Variants in CSMD1 observed in about 807,000 individuals in gnomAD.
CSMD1 encodes the protein CUB and Sushi multiple domains 1.
CSMD1 carries 213 observed loss-of-function variants against 417.5 expected under a neutral mutation model. The ratio of observed to expected loss-of-function variants is 0.51; its 90% CI spans 0.46 to 0.57. The LOEUF (loss-of-function observed/expected upper bound fraction) is 0.57, where lower values mean the gene tolerates loss of function less well. Ranked by LOEUF, CSMD1 falls within the 20% of genes least tolerant of loss-of-function variation. CSMD1 has a pLI of 0.00. For missense variants in CSMD1, 6,923 were observed against 4,529.7 expected, an observed-to-expected ratio of 1.53 and a Z score of -15.17; for synonymous variants, 2,862 against 1,736.8, an observed-to-expected ratio of 1.65 and a Z score of -16.11.
intron 42 of CSMD1, among the ~76,000 whole-genome samples, chr8:3,117,910 T>C (rs1816964481): frequency 1.3e-5 from 2 of 152,226 alleles, no homozygotes; most frequent in Non-Finnish European, 2.9e-5. Flanking sequence ...CAAAATGCTA[T>C]GTACCTTTCA....
intron 10 of CSMD1, among the ~76,000 whole-genome samples, chr8:3,540,769 A>G (rs1798404273): frequency 6.6e-6 from 1 of 152,246 alleles, no homozygotes; most frequent in Non-Finnish European, 1.5e-5. Flanking sequence ...TGCAGTCAAC[A>G]AACATGAAAA....
intron 9 of CSMD1, among the ~76,000 whole-genome samples, chr8:3,575,435 C>T (rs146127459): frequency 1.7e-3 from 264 of 152,264 alleles, no homozygotes; most frequent in Non-Finnish European, 3.1e-3. Flanking sequence ...AGTCTCCATA[C>T]ACACCTAATT....
At chr8:3,086,010 G>A (rs74782776) in intron 49 of CSMD1, among the ~76,000 whole-genome samples, 1,539 of 152,186 alleles carry the variant, frequency 0.01, 25 homozygotes, top group African/African-American at 0.033. Flanking sequence ...CCAGGCTGCC[G>A]TTTGGGCTGT....
At chr8:2,999,890 AC>A (rs1807246455) in intron 53 of CSMD1, 67 bp downstream of exon 53, 1 of 1,392,954 alleles carries the variant, frequency 7.2e-7, no homozygotes, top group Non-Finnish European at 9.9e-7. Flanking sequence ...GTATATTGTG[AC>A]CTAATAACAA....
At chr8:3,741,226 A>AC (rs1563329845) in intron 6 of CSMD1, among the ~76,000 whole-genome samples, 1 of 150,850 alleles carries the variant, frequency 6.6e-6, no homozygotes, top group East Asian at 1.9e-4. Flanking sequence ...AAAAAAAAAA[A>AC]AAAAAAAAAA....
chr8:3,286,930 TTTC>T (rs1803205390), intron 25 of CSMD1, among the ~76,000 whole-genome samples: 1 of 152,186 alleles, frequency 6.6e-6, no homozygotes, highest in Admixed American at 6.5e-5. Context: ...TTGCTTAGGT[TTTC>T]TTCTAGGGTT....
At chr8:4,846,440 G>C (rs1225672335) in intron 1 of CSMD1, among the ~76,000 whole-genome samples, 1 of 152,184 alleles carries the variant, frequency 6.6e-6, no homozygotes, top group African/African-American at 2.4e-5. Flanking sequence ...TGTCCTTGAG[G>C]TTTTGGCAGC....
chr8:4,146,827 G>C (rs931286704), intron 3 of CSMD1, among the ~76,000 whole-genome samples: 2 of 149,538 alleles, frequency 1.3e-5, no homozygotes, highest in Non-Finnish European at 2.9e-5. Flanking sequence ...AGGCAGGATA[G>C]TCTCGATCTC....
At chr8:3,592,494 C>T (rs1393187568) in intron 8 of CSMD1, among the ~76,000 whole-genome samples, 1 of 152,112 alleles carries the variant, frequency 6.6e-6, no homozygotes, top group Non-Finnish European at 1.5e-5. Flanking sequence ...CTGGATTTGC[C>T]ATATTTGTCC....
intron 6 of CSMD1, among the ~76,000 whole-genome samples, chr8:3,721,244 T>A (rs1563309384): frequency 6.6e-6 from 1 of 152,076 alleles, no homozygotes; most frequent in Non-Finnish European, 1.5e-5. Flanking sequence ...AATCCAATCA[T>A]TTTTTTTCCT....
chr8:3,588,895 C>T (rs1050052317), intron 8 of CSMD1, among the ~76,000 whole-genome samples: 1 of 152,182 alleles, frequency 6.6e-6, no homozygotes, highest in South Asian at 2.1e-4. Flanking sequence ...GAAAACAAAT[C>T]ACCCATGTAA....
intron 6 of CSMD1, among the ~76,000 whole-genome samples, chr8:3,747,452 T>G (rs1375420816): frequency 1.3e-5 from 2 of 152,130 alleles, no homozygotes; most frequent in African/African-American, 4.8e-5. Context: ...TGCGAACACA[T>G]AGCTTTGCAA....
At chr8:3,056,525 C>A (rs145083018) in intron 49 of CSMD1, among the ~76,000 whole-genome samples, 6 of 152,136 alleles carry the variant, frequency 3.9e-5, no homozygotes, top group Admixed American at 2.0e-4. Flanking sequence ...CAGGCCACCA[C>A]GCCTGGCTAT....
At chr8:3,170,266 G>T (rs1308975442) in intron 37 of CSMD1, among the ~76,000 whole-genome samples, 1 of 152,178 alleles carries the variant, frequency 6.6e-6, no homozygotes, top group Admixed American at 6.5e-5. Flanking sequence ...GGAGTGCAGT[G>T]GTGTGATCTT....
intron 65 of CSMD1, among the ~76,000 whole-genome samples, chr8:2,952,108 C>T (rs1242690273): frequency 6.6e-6 from 1 of 152,150 alleles, no homozygotes; most frequent in African/African-American, 2.4e-5. Context: ...CATTTTCACA[C>T]ATAAACGTGA....
intron 2 of CSMD1, among the ~76,000 whole-genome samples, chr8:4,505,006 G>C (rs1198883789): frequency 6.6e-6 from 1 of 152,166 alleles, no homozygotes; most frequent in Non-Finnish European, 1.5e-5. Flanking sequence ...CCAGTAATGG[G>C]ATTGCTGTGT....
intron 1 of CSMD1, among the ~76,000 whole-genome samples, chr8:4,710,710 G>A (rs886480376): frequency 1.3e-5 from 2 of 151,418 alleles, no homozygotes; most frequent in Non-Finnish European, 2.9e-5. Context: ...CCCAGCATGG[G>A]GCCACATGCC....
chr8:3,402,136 G>T (rs894748514), intron 15 of CSMD1, among the ~76,000 whole-genome samples: 1 of 152,038 alleles, frequency 6.6e-6, no homozygotes, highest in Admixed American at 6.6e-5. Flanking sequence ...TGTTATGAAG[G>T]ATGCAGCCTG....
chr8:3,939,677 T>C (rs771394193), intron 5 of CSMD1, among the ~76,000 whole-genome samples: 3 of 152,266 alleles, frequency 2.0e-5, no homozygotes, highest in Non-Finnish European at 4.4e-5. Context: ...CATGGAGTAG[T>C]AGTCAGCCAC....
Sources: allele counts gnomAD v4.1 joint callset (sites outside exome capture counted in the v4.1 genomes callset), GRCh38; gene constraint gnomAD v4.1.1; transcripts MANE v1.5; gene names NCBI Gene and HGNC (gene_info 2026-07-23, HGNC 2026-07-21).